Variants in KIF15 observed in about 807,000 individuals in gnomAD.
KIF15 encodes the protein kinesin-like protein KIF15.
KIF15 carries 140 observed loss-of-function variants against 190.6 expected under a neutral mutation model. The ratio of observed to expected loss-of-function variants is 0.73; its 90% confidence interval spans 0.64 to 0.84. KIF15 has a LOEUF of 0.84. Ranked by LOEUF, KIF15 falls within the 40% of genes least tolerant of loss-of-function variation. The probability of loss-of-function intolerance (pLI) is 0.00; values close to 1 mark genes in which losing one functional copy is unlikely to be tolerated. For synonymous variants in KIF15, 528 were observed against 551.3 expected (o/e 0.96, Z 0.59); for missense variants, 1,372 against 1,584.4 (o/e 0.87, Z 2.28).
At chr3:44,844,707 T>C (rs1342892569) in intron 30 of KIF15, among the ~76,000 whole-genome samples, 1 of 152,198 alleles carries the variant, frequency 6.6e-6, no homozygotes, top group African/African-American at 2.4e-5. Context: ...CATCAGACGA[T>C]TGAGCTTTGA....
chr3:44,865,648 T>C (rs764743672), intron 6 of KIF15: 6 of 159,936 alleles, frequency 3.8e-5, no homozygotes, highest in Non-Finnish European at 6.9e-5. Context: ...AATAAATACG[T>C]TTTTTGTAAG....
chr3:44,764,314 T>C (rs1405065322), intron 1 of KIF15, among the ~76,000 whole-genome samples: 3 of 152,202 alleles, frequency 2.0e-5, no homozygotes, highest in African/African-American at 7.2e-5. Context: ...TATCACTGAT[T>C]AGTTTTGCTT....
At chr3:44,825,311 C>G (rs1440769651) in intron 20 of KIF15, among the ~76,000 whole-genome samples, 1 of 152,146 alleles carries the variant, frequency 6.6e-6, no homozygotes, top group Non-Finnish European at 1.5e-5. Context: ...GCCCATGTAT[C>G]TGTCTTTAGC....
At chr3:44,765,689 G>T (rs1383673132) in intron 1 of KIF15, among the ~76,000 whole-genome samples, 1 of 152,170 alleles carries the variant, frequency 6.6e-6, no homozygotes, top group Non-Finnish European at 1.5e-5. Context: ...TGTGACTCCA[G>T]TGTAGCTACT....
intron 3 of KIF15, among the ~76,000 whole-genome samples, chr3:44,777,561 T>C (rs577110558): frequency 6.6e-6 from 1 of 152,156 alleles, no homozygotes; most frequent in African/African-American, 2.4e-5. Context: ...CATGGTGGTG[T>C]GCACCTGTAG....
At chr3:44,861,973 T>A in intron 6 of KIF15, 1 of 1,392,054 alleles carries the variant, frequency 7.2e-7, no homozygotes, top group South Asian at 1.6e-5. Flanking sequence ...CGCGACCGCG[T>A]ACCCTGACAC....
rs1309201784 is a variant in KIF15 at position 44,778,135 on chromosome 3, G to T, written c.267G>T (p.Val89=). ...DTTQESVFAT[V]AKSIVESCMS... is the part of the protein sequence containing the mutation. Reference sequence around the variant, plus strand: ...TGTAGGAATCTGTATTCGCAACTGTGGCTAAAAGCATTGTGGAGTCTTGCA... The same window carrying T: ...TGTAGGAATCTGTATTCGCAACTGTTGCTAAAAGCATTGTGGAGTCTTGCA... Residue 89 remains valine (V), a synonymous_variant, in exon 4 of 35, where the codon GTG becomes GTT. Transcript: ENST00000326047. 1.2e-6 allele frequency: 2 copies of T among 1,613,610 alleles called. No individual in the cohort carries two copies. Among genetic ancestry groups the T allele is most frequent in the African/African-American group, 1.3e-5 (1 of 74,916 alleles).
intron 27 of KIF15, 130 bp from the exon 28 acceptor site, chr3:44,840,225 G>A (rs976059007): frequency 1.6e-5 from 9 of 561,724 alleles, no homozygotes; most frequent in Middle Eastern, 3.3e-4. Flanking sequence ...TATCAGGTGC[G>A]AAGTGATATC....
chr3:44,863,127 ATTAGTG>A (rs1182059991), intron 6 of KIF15: 4 of 151,920 alleles, frequency 2.6e-5, no homozygotes, highest in Admixed American at 1.3e-4. Flanking sequence ...ATCATATATC[ATTAGTG>A]TTAGTGTATT....
chr3:44,841,136 A>G lies in KIF15; in HGVS notation c.3483A>G (p.Gln1161=). Residue 1161 remains glutamine, a synonymous_variant, in exon 29 of 35, where the codon CAA becomes CAG. Coordinates refer to ENST00000326047, the MANE Select transcript of KIF15 (RefSeq NM_020242.3). ...CAAAACTCCTGGAAACACAAGAACA[A>G]GAGATAGAAGATGGAAGAGCCTCTA... ...HLAKLLETQE[Q]EIEDGRASKT... is the part of the protein sequence containing the mutation. 1 of 1,613,550 alleles carries G rather than the reference A, an allele frequency of 6.2e-7. No individual in the cohort carries two copies. The highest frequency in any genetic ancestry group is 2.2e-5 in the East Asian group (1 of 44,860).
chr3:44,767,751 A>C (rs1705459903), intron 1 of KIF15, among the ~76,000 whole-genome samples: 1 of 151,396 alleles, frequency 6.6e-6, no homozygotes, highest in Admixed American at 6.6e-5. Flanking sequence ...AAAAATTCTC[A>C]GGGCGTGGTG....
chr3:44,806,806 T>A (rs1009676190), intron 16 of KIF15, among the ~76,000 whole-genome samples: 2 of 152,072 alleles, frequency 1.3e-5, no homozygotes, highest in Non-Finnish European at 2.9e-5. Context: ...AGTGCAGTGG[T>A]GCAATCTCAG....
chr3:44,861,126 G>T (rs894381753), intron 6 of KIF15, among the ~76,000 whole-genome samples: 18 of 152,108 alleles, frequency 1.2e-4, no homozygotes, highest in Admixed American at 3.9e-4. Flanking sequence ...CGAGTAGCTG[G>T]GATTACAGGC....
intron 1 of KIF15, among the ~76,000 whole-genome samples, chr3:44,767,943 A>G (rs1705472301): frequency 6.7e-6 from 1 of 149,550 alleles, no homozygotes; most frequent in Non-Finnish European, 1.5e-5. Flanking sequence ...ACAGCAGTCC[A>G]GGAAGGTTTA....
chr3:44,864,612 C>T (rs867589502), intron 6 of KIF15, among the ~76,000 whole-genome samples: 1 of 152,162 alleles, frequency 6.6e-6, no homozygotes, highest in Non-Finnish European at 1.5e-5. Context: ...ATTCTGAAGT[C>T]ACTGTGCATC....
At chr3:44,858,895 C>T (rs1294237101) in intron 6 of KIF15, among the ~76,000 whole-genome samples, 3 of 152,220 alleles carry the variant, frequency 2.0e-5, no homozygotes, top group Admixed American at 2.0e-4. Context: ...AGCTCGGTGT[C>T]CGTGACGGTC....
intron 8 of KIF15, among the ~76,000 whole-genome samples, chr3:44,795,576 C>T (rs116418886): frequency 0.015 from 2,256 of 152,244 alleles, 32 homozygotes; most frequent in Non-Finnish European, 0.023. Context: ...TGACCACTTA[C>T]GCTGTTTAAT....
At position 44,815,051 on chromosome 3, in the gene KIF15, G is replaced by A. The variant is rs776781117; in HGVS notation, c.2524G>A (p.Val842Ile). The A allele has an allele frequency of 2.1e-5, 33 of 1,600,874 alleles. 1 individual carries two copies. The highest frequency in any genetic ancestry group is 1.1e-4 in the Admixed American group (6 of 56,760). ...FNKLSERHMH[V>I]QLQLDNLRLE... ...CAAACTTTCCGAAAGACACATGCAT[G>A]TACAGCTTCAATTAGATAATCTCAG... is the stretch of plus-strand genomic sequence containing the variant. Residue 842 changes from valine (V) to isoleucine (I), a missense_variant, in exon 20 of 35, where the codon GTA becomes ATA. Transcript: ENST00000326047.
At chr3:44,805,268 A>G in intron 15 of KIF15, 100 bp downstream of exon 15, 2 of 1,173,120 alleles carry the variant, frequency 1.7e-6, no homozygotes, top group Non-Finnish European at 2.4e-6. Context: ...TACTTTAAAT[A>G]TTAAACTCTC....
Sources: allele counts gnomAD v4.1 joint callset (sites outside exome capture counted in the v4.1 genomes callset), GRCh38; gene constraint gnomAD v4.1.1; transcripts MANE v1.5; gene names NCBI Gene and HGNC (gene_info 2026-07-23, HGNC 2026-07-21).